ERMP1: variants seen among roughly 807,000 people sequenced by gnomAD.
ERMP1 encodes Felix-ina.
A neutral mutation model predicts 92.0 loss-of-function variants in ERMP1; 86 were observed. The observed-to-expected ratio is 0.93, with a 90% CI of 0.79 to 1.12. The LOEUF (loss-of-function observed/expected upper bound fraction) is 1.12. Among genes scored for constraint, ERMP1 ranks in the 50% most tolerant of loss-of-function variants. The pLI, the probability that ERMP1 is intolerant of heterozygous loss-of-function variation, is 0.00. For synonymous variants in ERMP1, 530 were observed against 412.8 expected (o/e 1.28, Z -3.44); for missense variants, 1,342 against 1,116.3 (o/e 1.20, Z -2.88).
At chr9:5,846,778 T>C (rs1368781882) in intron 6 of ERMP1, among the ~76,000 whole-genome samples, 1 of 152,232 alleles carries the variant, frequency 6.6e-6, no homozygotes, top group African/African-American at 2.4e-5. Context: ...TATTCCTTTC[T>C]GAAAGGATGG....
chr9:5,809,884 C>T lies in ERMP1; in HGVS notation c.1548+127G>A, dbSNP rs139125974. ...TCAGAAAATTAACACAGTGTAGGTG[C>T]GTTTTCCATAACCATGCTGAACAAT... On this transcript the variant is annotated intron_variant, in intron 8 of 14. Coordinates refer to ENST00000339450, the MANE Select transcript of ERMP1 (RefSeq NM_024896.3). 1.1e-3 allele frequency: 703 copies of T among 642,648 alleles called. 3 individuals are homozygous for T. The African/African-American group carries it at 0.012, about 11-fold the overall frequency. 39.8% of individuals were successfully genotyped at this position (642,648 alleles called of 1,614,324 possible). A position where few individuals can be genotyped will look rare whatever the true frequency, so the allele number is the denominator to read the frequency against.
At chr9:5,787,951 C>T (rs1828013314) in intron 13 of ERMP1, among the ~76,000 whole-genome samples, 2 of 152,170 alleles carry the variant, frequency 1.3e-5, no homozygotes, top group African/African-American at 4.8e-5. Flanking sequence ...TGTAACAGTA[C>T]TGAATAGGAC....
At position 5,831,973 on chromosome 9, in the gene ERMP1, G is replaced by C. The variant is rs187538092; in HGVS notation, c.338+717C>G. On this transcript the variant is annotated intron_variant, in intron 1 of 14. Coordinates refer to ENST00000339450, the MANE Select transcript of ERMP1 (RefSeq NM_024896.3). ...TTTGCATTCTAGCAAAAACTTTTTA[G>C]AACACAGTAGCTGTTGAAAACTTGA... is the stretch of plus-strand genomic sequence containing the variant. Among the ~76,000 whole-genome samples the C allele has an allele frequency of 3.9e-5, 6 of 152,102 alleles. No individual in the cohort carries two copies. In the East Asian group the frequency reaches 1.2e-3, roughly 29 times the overall value.
intron 11 of ERMP1, 116 bp downstream of exon 11, chr9:5,801,060 T>A: frequency 9.6e-7 from 1 of 1,039,476 alleles, no homozygotes; most frequent in South Asian, 1.7e-5. Flanking sequence ...AAAAGGTGAG[T>A]ATGACTAAAT....
At chr9:5,827,190 G>T in intron 2 of ERMP1, among the ~76,000 whole-genome samples, 1 of 151,754 alleles carries the variant, frequency 6.6e-6, no homozygotes, top group Admixed American at 6.5e-5. Context: ...AACTTAAAAA[G>T]AAAAAAAGAA....
rs1254005250 is a variant in ERMP1 at position 5,832,805 on chromosome 9, G to C, written c.223C>G (p.Leu75Val). 4 of 1,501,904 alleles carry C rather than the reference G, an allele frequency of 2.7e-6. No homozygotes were observed. The highest frequency in any genetic ancestry group is 2.6e-6 in the Non-Finnish European group (3 of 1,133,646). The allele number at this position is 1,501,904 out of a possible 1,614,324, so 93.0% of individuals were successfully genotyped here. A position where few individuals can be genotyped will look rare whatever the true frequency, so the allele number is the denominator to read the frequency against. ...GTGLSEVRAA[L>V]GLALYLIALR... ...GCGATCAGGTAGAGCGCGAGCCCCAGCGCGGCGCGCACCTCAGACAGCCCG... is the reference window on the plus strand; with the variant it reads ...GCGATCAGGTAGAGCGCGAGCCCCACCGCGGCGCGCACCTCAGACAGCCCG... The change falls in exon 1 of 15, where the codon CTG (leucine) becomes GTG (valine). Residue 75 changes from leucine (L) to valine (V), a missense_variant. Leu to Val is a conservative substitution (Grantham distance 32). Transcript: ENST00000339450.
chr9:5,790,298 TAAAAC>T (rs1038372407), intron 13 of ERMP1, among the ~76,000 whole-genome samples: 1 of 151,426 alleles, frequency 6.6e-6, no homozygotes, highest in African/African-American at 2.4e-5. Flanking sequence ...AATAGAGAAT[TAAAAC>T]AAATATAAAC....
At chr9:5,861,595 G>A (rs1361911355) in intron 5 of ERMP1, among the ~76,000 whole-genome samples, 2 of 152,098 alleles carry the variant, frequency 1.3e-5, no homozygotes, top group African/African-American at 2.4e-5. Context: ...ACAAGACAGG[G>A]CCTCTGGAAA....
chr9:5,791,351 G>A (rs2131200595), intron 13 of ERMP1: 6 of 455,172 alleles, frequency 1.3e-5, no homozygotes, highest in South Asian at 9.3e-5. Context: ...CCCTCTCCTT[G>A]GGGAAGGTCA....
At position 5,812,232 on chromosome 9, in the gene ERMP1, T is replaced by G; in HGVS notation, c.1022-15A>C. Reference sequence around the variant, plus strand: ...TAAGTCTATTCCTAAAACATATATATAGAAAAAAAAAAGTCATTTTGCTTT... The same window carrying G: ...TAAGTCTATTCCTAAAACATATATAGAGAAAAAAAAAAGTCATTTTGCTTT... On this transcript the variant is annotated splice_polypyrimidine_tract_variant and intron_variant, in intron 5 of 14. Transcript: ENST00000339450. 1 of 1,442,890 alleles carries G rather than the reference T, an allele frequency of 6.9e-7. No homozygotes were observed. The highest frequency in any genetic ancestry group is 9.4e-7 in the Non-Finnish European group (1 of 1,058,242). 89.4% of individuals were successfully genotyped at this position (1,442,890 alleles called of 1,614,324 possible). A position where few individuals can be genotyped will look rare whatever the true frequency, so the allele number is the denominator to read the frequency against.
At chr9:5,860,883 T>C (rs1563786515) in intron 5 of ERMP1, among the ~76,000 whole-genome samples, 4 of 152,054 alleles carry the variant, frequency 2.6e-5, no homozygotes, top group African/African-American at 2.4e-5. Context: ...TGGTTCCCTA[T>C]AAAAGGGTCA....
chr9:5,854,552 G>C (rs959829377), intron 6 of ERMP1, among the ~76,000 whole-genome samples: 3 of 152,068 alleles, frequency 2.0e-5, no homozygotes, highest in Non-Finnish European at 2.9e-5. Flanking sequence ...TTTTTTCTGA[G>C]TCACAGTTTC....
At chr9:5,848,426 C>A (rs1032612277) in intron 6 of ERMP1, among the ~76,000 whole-genome samples, 1 of 152,162 alleles carries the variant, frequency 6.6e-6, no homozygotes, top group Middle Eastern at 3.2e-3. Flanking sequence ...TTTCAGACTT[C>A]CAAACTCCAG....
rs1214655274 is a variant in ERMP1 at position 5,823,977 on chromosome 9, G to A, written c.793C>T (p.His265Tyr). Residue 265 changes from histidine (H) to tyrosine (Y), a missense_variant, in exon 4 of 15, where the codon CAC becomes TAC. His to Tyr is a moderately conservative substitution (Grantham distance 83, BLOSUM62 2). Transcript: ENST00000339450. ...GCACGAATCAAGCTAGCCCAGGGGT[G>A]CTGAGTAATGAAACCATGACTGGCC... is the stretch of plus-strand genomic sequence containing the variant. The part of the protein sequence containing the change: ...LQASHGFITQ[H>Y]PWASLIRAFI... 6.2e-7 allele frequency: 1 copy of A among 1,613,904 alleles called. No homozygotes were observed. Among genetic ancestry groups the A allele is most frequent in the Non-Finnish European group, 8.5e-7 (1 of 1,179,824 alleles).
intron 2 of ERMP1, among the ~76,000 whole-genome samples, chr9:5,825,491 T>C (rs893250863): frequency 2.6e-5 from 4 of 152,192 alleles, no homozygotes; most frequent in African/African-American, 9.7e-5. Context: ...CTAAATGAAG[T>C]AACCTGAGGG....
chr9:5,851,504 T>C (rs535510703), intron 6 of ERMP1, among the ~76,000 whole-genome samples: 5 of 152,220 alleles, frequency 3.3e-5, no homozygotes, highest in African/African-American at 7.2e-5. Context: ...AGATAATATA[T>C]AGAAGTGGGA....
At chr9:5,834,699 A>ATG (rs1323971917), upstream of ERMP1, among the ~76,000 whole-genome samples, 1 of 81,896 alleles carries the variant, frequency 1.2e-5, no homozygotes, top group Non-Finnish European at 3.0e-5. Flanking sequence ...ATATGTATGT[A>ATG]TATATGTGTG....
At chr9:5,801,992 C>G (rs939052559) in intron 10 of ERMP1, among the ~76,000 whole-genome samples, 31 of 152,306 alleles carry the variant, frequency 2.0e-4, no homozygotes, top group African/African-American at 7.5e-4. Context: ...GAACTAAAAA[C>G]TGTAAAGGAC....
rs373212832 is a variant in ERMP1, at chr9:5,797,842, A to G, written c.2361T>C (p.Ser787=). The change falls in exon 13 of 15, where the codon TCT becomes TCC. Residue 787 remains serine (S), a synonymous_variant. Coordinates refer to ENST00000339450, the MANE Select transcript of ERMP1 (RefSeq NM_024896.3). ...CTGTTGCTTCAAAAGTCAATTTTAT[A>G]GAATCCCAAGGTGTCTGTTCTTTGG... ...LISKEQTPWD[S]IKLTFEATGP... is the part of the protein sequence containing the mutation. The G allele has an allele frequency of 5.6e-6, 9 of 1,606,246 alleles. No individual in the cohort carries two copies. Among genetic ancestry groups the G allele is most frequent in the Non-Finnish European group, 7.6e-6 (9 of 1,176,994 alleles).
Sources: gnomAD v4.1 joint callset for allele counts (sites outside exome capture counted in the v4.1 genomes callset) on GRCh38, gnomAD v4.1.1 for gene constraint, MANE v1.5 for transcripts, NCBI Gene and HGNC (gene_info 2026-07-23, HGNC 2026-07-21) for gene names.